The following FBXL5 variants were observed in gnomAD, a reference collection of about 807,000 sequenced individuals.
The protein encoded by FBXL5 is F-box/LRR-repeat protein 5.
In FBXL5, 26 loss-of-function variants were observed where a neutral mutation model predicts 78.3. The observed-to-expected ratio is 0.33, with a 90% CI of 0.24 to 0.46. The LOEUF is 0.46. FBXL5 is among the 20% of genes least tolerant of loss of function. The pLI is 1.00. For synonymous variants in FBXL5, 295 were observed against 282.5 expected, an observed-to-expected ratio of 1.04 and a Z score of -0.45; for missense variants, 710 against 829.2, an observed-to-expected ratio of 0.86 and a Z score of 1.77.
At chr4:15,666,476 AAG>A (rs1258701978) in intron 1 of FBXL5, among the ~76,000 whole-genome samples, 4 of 152,156 alleles carry the variant, frequency 2.6e-5, no homozygotes, top group African/African-American at 7.2e-5. Flanking sequence ...CATATAAGTA[AAG>A]AGAGGATGAT....
intron 5 of FBXL5, among the ~76,000 whole-genome samples, chr4:15,633,227 CAG>C (rs1263545599): frequency 6.6e-6 from 1 of 152,124 alleles, no homozygotes; most frequent in Non-Finnish European, 1.5e-5. Context: ...CAAAAATGTA[CAG>C]AGTCTGCTAT....
chr4:15,666,464 C>G (rs1451987574), intron 1 of FBXL5, among the ~76,000 whole-genome samples: 1 of 151,960 alleles, frequency 6.6e-6, no homozygotes, highest in Non-Finnish European at 1.5e-5. Context: ...TAAAGTTAAA[C>G]TCATATAAGT....
At chr4:15,659,836 G>A, upstream of FBXL5, 4 of 579,010 alleles carry the variant, frequency 6.9e-6, no homozygotes, top group South Asian at 3.0e-4. Context: ...ATGGTTCCAT[G>A]TGTATGGCCT....
At position 15,640,808 on chromosome 4, in the gene FBXL5, G is replaced by C; in HGVS notation, c.376C>G (p.His126Asp). ...LEAFTRDFLP[H>D]MKEEEEVFQP... ...CTTACCTCCTCTTCCTCTTTCATGT[G>C]AGGAAGAAAATCTCTTGTAAAAGCC... The change falls in exon 3 of 11, where the codon CAC becomes GAC. Residue 126 changes from histidine (H) to aspartate (D), a missense_variant. Physicochemically the swap from His to Asp is moderately conservative, Grantham distance 81. Around this residue, in one of 4 missense-constraint regions of FBXL5, gnomAD observed 132 missense variants for 156.9 expected, o/e 0.84. Coordinates refer to ENST00000341285, the MANE Select transcript of FBXL5 (RefSeq NM_012161.4). The C allele has an allele frequency of 6.4e-7, 1 of 1,561,088 alleles. No homozygotes were observed. The highest frequency in any genetic ancestry group is 8.7e-7 in the Non-Finnish European group (1 of 1,153,366).
chr4:15,640,961 G>T, intron 2 of FBXL5, 78 bp from the exon 3 acceptor site: 1 of 746,614 alleles, frequency 1.3e-6, no homozygotes, highest in Non-Finnish European at 2.1e-6. Flanking sequence ...AGTTTAAAAT[G>T]TGACATAAAA....
intron 9 of FBXL5, among the ~76,000 whole-genome samples, chr4:15,617,560 AAAG>A (rs1224162896): frequency 5.9e-5 from 9 of 151,608 alleles, no homozygotes; most frequent in African/African-American, 9.7e-5. Flanking sequence ...AAAAAAAAAA[AAAG>A]AAAGAAAACG....
chr4:15,639,178 A>C (rs1226205018), intron 3 of FBXL5, among the ~76,000 whole-genome samples: 6 of 152,228 alleles, frequency 3.9e-5, no homozygotes, highest in African/African-American at 7.2e-5. Flanking sequence ...AAAAATAAAT[A>C]AATAAAATAA....
Position 15,604,957 on chromosome 4 carries a change from A to C in FBXL5, c.*766T>G, listed in dbSNP as rs187828650. ...AAAGTATGTAGTCCTATTCTATACTAAAGTAAACCTGGATTGAGATTTATA... is the reference window on the plus strand; with the variant it reads ...AAAGTATGTAGTCCTATTCTATACTCAAGTAAACCTGGATTGAGATTTATA... On this transcript the variant is annotated 3_prime_UTR_variant, in exon 11 of 11. Coordinates refer to ENST00000341285, the MANE Select transcript of FBXL5 (RefSeq NM_012161.4). 6.6e-6 allele frequency: 1 copy of C among 152,252 alleles called. No homozygotes were observed. Among genetic ancestry groups the C allele is most frequent in the African/African-American group, 2.4e-5 (1 of 41,462 alleles). The allele number at this position is 152,252 out of a possible 1,614,324, so 9.4% of individuals were successfully genotyped here.
At chr4:15,642,249 T>C (rs1714961719) in intron 2 of FBXL5, among the ~76,000 whole-genome samples, 1 of 151,910 alleles carries the variant, frequency 6.6e-6, no homozygotes, top group South Asian at 2.1e-4. Context: ...AAAACTTTTT[T>C]TTTTTTTTTT....
At chr4:15,613,785 GT>G (rs1722432882) in intron 9 of FBXL5, among the ~76,000 whole-genome samples, 1 of 151,436 alleles carries the variant, frequency 6.6e-6, no homozygotes, top group Non-Finnish European at 1.5e-5. Context: ...AGCTGAGATT[GT>G]TTTTTATTTA....
chr4:15,666,782 A>G (rs1717564975), intron 1 of FBXL5, among the ~76,000 whole-genome samples: 1 of 151,052 alleles, frequency 6.6e-6, no homozygotes, highest in African/African-American at 2.4e-5. Flanking sequence ...GATCCCAACA[A>G]TGCACTCCAG....
At chr4:15,666,071 C>G (rs1385809961) in intron 1 of FBXL5, among the ~76,000 whole-genome samples, 3 of 151,754 alleles carry the variant, frequency 2.0e-5, no homozygotes, top group Non-Finnish European at 4.4e-5. Flanking sequence ...GTAATACAAA[C>G]CTTTTAGGGT....
intron 5 of FBXL5, 75 bp downstream of exon 5, chr4:15,636,419 G>T: frequency 8.5e-7 from 1 of 1,170,370 alleles, no homozygotes; most frequent in Non-Finnish European, 1.1e-6. Flanking sequence ...TTCTCTCTCT[G>T]GCCTTGCTCA....
At chr4:15,668,218 C>T (rs1431668533) in intron 1 of FBXL5, among the ~76,000 whole-genome samples, 1 of 150,494 alleles carries the variant, frequency 6.6e-6, no homozygotes, top group Non-Finnish European at 1.5e-5. Flanking sequence ...TGTAAATGGT[C>T]AGTTCATTTG....
At chr4:15,660,491 G>A (rs1164240182), upstream of FBXL5, among the ~76,000 whole-genome samples, 1 of 152,186 alleles carries the variant, frequency 6.6e-6, no homozygotes, top group African/African-American at 2.4e-5. Flanking sequence ...GAGATGTCAT[G>A]TATACATCTT....
intron 1 of FBXL5, among the ~76,000 whole-genome samples, chr4:15,666,539 AAG>A (rs1717553371): frequency 6.7e-6 from 1 of 149,704 alleles, no homozygotes; most frequent in Non-Finnish European, 1.5e-5. Context: ...AAAGCATGCA[AAG>A]TGTCAGGTAG....
intron 6 of FBXL5, among the ~76,000 whole-genome samples, chr4:15,628,572 C>A (rs7663570): frequency 6.6e-6 from 1 of 152,114 alleles, no homozygotes; most frequent in African/African-American, 2.4e-5. Context: ...TTACCTTTCT[C>A]AGGATCCTAT....
intron 9 of FBXL5, among the ~76,000 whole-genome samples, chr4:15,614,858 T>A (rs4698117): frequency 6.6e-6 from 1 of 151,982 alleles, no homozygotes; most frequent in African/African-American, 2.4e-5. Context: ...TGGGAGCCCC[T>A]TTCTGGGCTG....
At chr4:15,633,810 G>A (rs1309667867) in intron 5 of FBXL5, among the ~76,000 whole-genome samples, 4 of 152,112 alleles carry the variant, frequency 2.6e-5, no homozygotes, top group Non-Finnish European at 5.9e-5. Context: ...TTGTTGCCCG[G>A]GGTGATCTCG....
Sources: allele counts gnomAD v4.1 joint callset (sites outside exome capture counted in the v4.1 genomes callset), GRCh38; gene constraint gnomAD v4.1.1; regional missense constraint gnomAD v4.1.1; transcripts MANE v1.5; gene names NCBI Gene and HGNC (gene_info 2026-07-23, HGNC 2026-07-21).